The following DBX2 variants were observed in gnomAD, a reference collection of about 807,000 sequenced individuals.
The protein encoded by DBX2 is homeobox protein DBX2.
DBX2 carries 16 observed loss-of-function variants against 17.7 expected under a neutral mutation model. That is an observed-to-expected ratio of 0.90 (90% confidence interval 0.61 to 1.37). The LOEUF (loss-of-function observed/expected upper bound fraction) is 1.37. Ranked by LOEUF, DBX2 falls within the 40% of genes most tolerant of loss-of-function variation. The pLI is 0.00. For synonymous variants in DBX2, 255 were observed against 183.8 expected, an observed-to-expected ratio of 1.39 and a Z score of -3.13; for missense variants, 538 against 433.8, an observed-to-expected ratio of 1.24 and a Z score of -2.13.
At chr12:45,016,803 T>C (rs1946326428) in intron 3 of DBX2, among the ~76,000 whole-genome samples, 185 bp from the exon 4 acceptor site, 1 of 151,936 alleles carries the variant, frequency 6.6e-6, no homozygotes, top group Non-Finnish European at 1.5e-5. Flanking sequence ...TTTATTTTAT[T>C]ATTATTTTTT....
At chr12:45,038,043 A>C (rs1281089628) in intron 1 of DBX2, among the ~76,000 whole-genome samples, 1 of 152,122 alleles carries the variant, frequency 6.6e-6, no homozygotes, top group Admixed American at 6.5e-5. Flanking sequence ...TAAAACTGTC[A>C]TGGAAATTAT....
chr12:45,042,758 G>A (rs1946478510), intron 1 of DBX2, among the ~76,000 whole-genome samples: 1 of 152,212 alleles, frequency 6.6e-6, no homozygotes. Context: ...CTGCTATGCA[G>A]TAACAACATG....
intron 1 of DBX2, among the ~76,000 whole-genome samples, chr12:45,046,225 C>T (rs1169085296): frequency 1.3e-5 from 2 of 152,040 alleles, no homozygotes; most frequent in Non-Finnish European, 2.9e-5. Flanking sequence ...TACTCATGAA[C>T]TAGGTAAAAG....
chr12:45,019,429 A>C (rs1456461760), intron 3 of DBX2, among the ~76,000 whole-genome samples: 2 of 152,134 alleles, frequency 1.3e-5, no homozygotes, highest in African/African-American at 4.8e-5. Flanking sequence ...ATTGCCCATG[A>C]GAGTGGCAAC....
At chr12:45,042,795 T>C (rs1004753979) in intron 1 of DBX2, among the ~76,000 whole-genome samples, 2 of 152,094 alleles carry the variant, frequency 1.3e-5, no homozygotes, top group Non-Finnish European at 2.9e-5. Context: ...TGACAAGCAT[T>C]TGTGTGAACA....
chr12:45,033,663 T>A (rs1321385657), intron 2 of DBX2, among the ~76,000 whole-genome samples: 1 of 152,182 alleles, frequency 6.6e-6, no homozygotes, highest in Non-Finnish European at 1.5e-5. Flanking sequence ...TTTAGAGTTA[T>A]AACTAATAAT....
intron 1 of DBX2, among the ~76,000 whole-genome samples, chr12:45,036,806 G>A (rs1483548996): frequency 2.0e-5 from 3 of 152,128 alleles, no homozygotes; most frequent in Admixed American, 2.0e-4. Context: ...ACATTTACAT[G>A]ACTTAAAGTA....
At chr12:45,030,056 G>A (rs750191306) in intron 2 of DBX2, among the ~76,000 whole-genome samples, 3 of 151,938 alleles carry the variant, frequency 2.0e-5, no homozygotes, top group Non-Finnish European at 4.4e-5. Flanking sequence ...AGTGAAGGGC[G>A]CTACAAATGG....
intron 2 of DBX2, among the ~76,000 whole-genome samples, chr12:45,032,235 C>G (rs1946414548): frequency 6.6e-6 from 1 of 152,168 alleles, no homozygotes; most frequent in Admixed American, 6.5e-5. Flanking sequence ...GAGAAGTCAA[C>G]ACCTATTCAA....
rs973333506 is a variant in DBX2, at chr12:45,016,466, C to G, written c.840G>C (p.Trp280Cys). 1.2e-6 allele frequency: 2 copies of G among 1,613,798 alleles called. No homozygotes were observed. Among genetic ancestry groups the G allele is most frequent in the Non-Finnish European group, 1.7e-6 (2 of 1,179,876 alleles). The change falls in exon 4 of 4, where the codon TGG (tryptophan) becomes TGC (cysteine). Residue 280 changes from tryptophan to cysteine, a missense_variant. By Grantham distance (215) the Trp-to-Cys change is radical. Coordinates refer to ENST00000332700, the MANE Select transcript of DBX2 (RefSeq NM_001004329.3). The stretch of plus-strand genomic sequence containing the variant: ...GACTTGAGTGCTGTTGGGGGACGTC[C>G]CATATTGAAGGACATGGAGAAGGGA... The part of the protein sequence containing the change: ...LGFPSPCPSI[W>C]DVPQQHSSPR...
chr12:45,037,761 T>G (rs1204839474), intron 1 of DBX2, among the ~76,000 whole-genome samples: 1 of 152,162 alleles, frequency 6.6e-6, no homozygotes, highest in African/African-American at 2.4e-5. Context: ...AGAATTTTTA[T>G]AGCATTTCAG....
intron 2 of DBX2, among the ~76,000 whole-genome samples, chr12:45,035,591 A>T (rs763598972): frequency 8.5e-5 from 13 of 152,154 alleles, no homozygotes; most frequent in Non-Finnish European, 2.9e-5. Flanking sequence ...GATCTTGACA[A>T]TTTTAAATTA....
intron 2 of DBX2, 53 bp downstream of exon 2, chr12:45,035,966 A>C (rs1469990835): frequency 2.0e-6 from 3 of 1,527,340 alleles, no homozygotes; most frequent in Non-Finnish European, 2.7e-6. Context: ...TAAATCCTGC[A>C]GCTTTGGTTT....
chr12:45,031,221 TGTGTGAGA>T lies in DBX2; in HGVS notation c.499+4790_499+4797del, dbSNP rs1395620325. ...GTGTGTGTGTGTGTGTGTGTGTGTG[TGTGTGAGA>T]GAGAGAGAGAGAGAGAGAGAGAGAG... is the stretch of plus-strand genomic sequence containing the variant. On this transcript the variant is annotated intron_variant, in intron 2 of 3. Transcript: ENST00000332700. 3.6e-3 allele frequency among the ~76,000 whole-genome samples: 231 copies of T among 64,078 alleles called. 2 individuals are homozygous for T. Among genetic ancestry groups the T allele is most frequent in the Admixed American group, 7.1e-3 (40 of 5,672 alleles). The allele number at this position is 64,078 out of a possible 152,430, so 42.0% of individuals were successfully genotyped here. A position where few individuals can be genotyped will look rare whatever the true frequency, so the allele number is the denominator to read the frequency against.
rs1415582242 is a variant in DBX2, at chr12:45,036,033, G to T, written c.485C>A (p.Ser162Tyr). The part of the protein sequence containing the change: ...CGGSCRRPAS[S>Y]TAFPREESML... ...TAAAAACTTACTTGGAAAAGCAGTGGAGGATGCAGGGCGCCGACAGGACCC... is the reference window on the plus strand; with the variant it reads ...TAAAAACTTACTTGGAAAAGCAGTGTAGGATGCAGGGCGCCGACAGGACCC... The change falls in exon 2 of 4, where the codon TCC (serine) becomes TAC (tyrosine). Residue 162 changes from serine to tyrosine, a missense_variant. Coordinates refer to ENST00000332700, the MANE Select transcript of DBX2 (RefSeq NM_001004329.3). The T allele has an allele frequency of 6.2e-7, 1 of 1,613,346 alleles. No homozygotes were observed. The highest frequency in any genetic ancestry group is 1.1e-5 in the South Asian group (1 of 90,802).
chr12:45,019,725 A>G (rs976344099), intron 3 of DBX2, among the ~76,000 whole-genome samples: 5 of 152,134 alleles, frequency 3.3e-5, no homozygotes, highest in African/African-American at 1.2e-4. Flanking sequence ...AAAAAGAATG[A>G]AGTAGATCTG....
chr12:45,040,946 A>C (rs549960890), intron 1 of DBX2, among the ~76,000 whole-genome samples: 2 of 151,992 alleles, frequency 1.3e-5, no homozygotes, highest in East Asian at 1.9e-4. Context: ...AAGACCACTA[A>C]TAAAACCTTC....
chr12:45,046,609 T>C (rs1057398131), intron 1 of DBX2, among the ~76,000 whole-genome samples: 1 of 152,188 alleles, frequency 6.6e-6, no homozygotes, highest in African/African-American at 2.4e-5. Context: ...CTTGCGTAGG[T>C]GCCTAAAATG....
chr12:45,049,404 C>G (rs1277906437), intron 1 of DBX2, among the ~76,000 whole-genome samples: 1 of 152,102 alleles, frequency 6.6e-6, no homozygotes, highest in Non-Finnish European at 1.5e-5. Flanking sequence ...AAAAAAGGTT[C>G]CCTAGCATTT....
Sources: allele counts gnomAD v4.1 joint callset (sites outside exome capture counted in the v4.1 genomes callset), GRCh38; gene constraint gnomAD v4.1.1; transcripts MANE v1.5; gene names NCBI Gene and HGNC (gene_info 2026-07-23, HGNC 2026-07-21).